STAU1: variants seen among roughly 807,000 people sequenced by gnomAD.
The protein encoded by STAU1 is double-stranded RNA-binding protein Staufen homolog 1.
STAU1 carries 13 observed loss-of-function variants against 62.9 expected under a neutral mutation model. The observed-to-expected ratio is 0.21, with a 90% CI of 0.13 to 0.33. The LOEUF (loss-of-function observed/expected upper bound fraction) is 0.33, where lower values mean the gene tolerates loss of function less well. Ranked by LOEUF, STAU1 falls within the 10% of genes least tolerant of loss-of-function variation. The pLI is 1.00. For missense variants in STAU1, 571 were observed against 712.1 expected, an observed-to-expected ratio of 0.80 and a Z score of 2.25; for synonymous variants, 269 against 265.1, an observed-to-expected ratio of 1.01 and a Z score of -0.14.
At chr20:49,199,205 G>A in the STAU1 span, among the ~76,000 whole-genome samples, 2 of 151,814 alleles carry the variant, frequency 1.3e-5, no homozygotes, top group Non-Finnish European at 2.9e-5. Flanking sequence ...GAACTTTTTG[G>A]ACTACAGGTG....
chr20:49,194,930 C>A, the STAU1 span, among the ~76,000 whole-genome samples: 2 of 150,754 alleles, frequency 1.3e-5, no homozygotes, highest in African/African-American at 4.9e-5. Flanking sequence ...ACAGTGAAAC[C>A]CTGTGTCAAA....
chr20:49,192,171 C>G, upstream of STAU1, among the ~76,000 whole-genome samples: 1 of 151,462 alleles, frequency 6.6e-6, no homozygotes, highest in East Asian at 1.9e-4. Flanking sequence ...ATGGTGAAAC[C>G]CCATCTCTAC....
At chr20:49,217,757 G>C in the STAU1 span, among the ~76,000 whole-genome samples, 1 of 148,846 alleles carries the variant, frequency 6.7e-6, no homozygotes. Flanking sequence ...TGAGGCAGGA[G>C]AGTCGCTTGA....
the STAU1 span, among the ~76,000 whole-genome samples, chr20:49,209,219 G>A: frequency 2.0e-5 from 3 of 149,042 alleles, no homozygotes; most frequent in African/African-American, 4.9e-5. Context: ...ATGGGTGTAA[G>A]CCACCGCGCC....
chr20:49,194,290 A>G, the STAU1 span, among the ~76,000 whole-genome samples: 1 of 150,894 alleles, frequency 6.6e-6, no homozygotes, highest in African/African-American at 2.4e-5. Flanking sequence ...TTAGCTGGGC[A>G]TGGTGGCGCA....
upstream of STAU1, among the ~76,000 whole-genome samples, chr20:49,189,619 CAAAAAAAAAA>C (rs71186430): frequency 3.6e-5 from 2 of 55,348 alleles, no homozygotes; most frequent in East Asian, 6.1e-4. Context: ...GACTCTGTCT[CAAAAAAAAAA>C]AAAAAAAAAA....
the STAU1 span, among the ~76,000 whole-genome samples, chr20:49,214,352 T>A: frequency 6.6e-6 from 1 of 152,042 alleles, no homozygotes; most frequent in African/African-American, 2.4e-5. Context: ...AACCCGTCAC[T>A]ACTAAACATA....
chr20:49,129,610 T>C (rs900717318), intron 6 of STAU1, among the ~76,000 whole-genome samples: 1 of 151,374 alleles, frequency 6.6e-6, no homozygotes, highest in African/African-American at 2.4e-5. Flanking sequence ...ATACATCTGG[T>C]TTAGAAAACA....
chr20:49,170,449 C>G (rs2146442699), intron 2 of STAU1, among the ~76,000 whole-genome samples: 1 of 152,278 alleles, frequency 6.6e-6, no homozygotes, highest in East Asian at 1.9e-4. Context: ...CTCCCAGGTT[C>G]AAGTGATTCT....
chr20:49,131,699 C>T (rs1415766972), intron 6 of STAU1, among the ~76,000 whole-genome samples: 1 of 151,740 alleles, frequency 6.6e-6, no homozygotes, highest in Non-Finnish European at 1.5e-5. Flanking sequence ...AAAAATTAGC[C>T]GAGTGTGGTG....
In STAU1 at chr20:49,121,666, A is replaced by G. The variant is rs909208717; in HGVS notation, c.966+1426T>C. On this transcript the variant is annotated intron_variant, in intron 8 of 13. Coordinates refer to ENST00000371856, the MANE Select transcript of STAU1 (RefSeq NM_017453.4). Reference sequence around the variant, plus strand: ...TTTCTGTCAGTAAAATTTATAAAACACACATATATGTCAGTATAATTTATA... The same window carrying G: ...TTTCTGTCAGTAAAATTTATAAAACGCACATATATGTCAGTATAATTTATA... Among the ~76,000 whole-genome samples the G allele has an allele frequency of 3.9e-5, 6 of 152,240 alleles. No individual in the cohort carries two copies. In the East Asian group the frequency reaches 7.7e-4, roughly 20 times the overall value.
At chr20:49,186,919 G>T (rs1042371824) in intron 1 of STAU1, among the ~76,000 whole-genome samples, 2 of 152,006 alleles carry the variant, frequency 1.3e-5, no homozygotes, top group African/African-American at 4.8e-5. Flanking sequence ...ACTGAAGCAC[G>T]TATCTTCGCG....
the STAU1 span, among the ~76,000 whole-genome samples, chr20:49,195,904 A>AAAAAAAAAAAAAAAAAAAAAG: frequency 6.5e-4 from 62 of 95,210 alleles, no homozygotes; most frequent in Non-Finnish European, 1.2e-3. Flanking sequence ...CTCTCAAAAA[A>AAAAAAAAAAAAAAAAAAAAAG]AAAAAAAAAA....
the STAU1 span, among the ~76,000 whole-genome samples, chr20:49,199,623 A>G: frequency 1.8e-4 from 26 of 148,502 alleles, no homozygotes; most frequent in Non-Finnish European, 1.8e-4. Flanking sequence ...CCCAGGCTGG[A>G]GTGCAGTGGT....
At chr20:49,184,922 G>C (rs544106104) in intron 1 of STAU1, among the ~76,000 whole-genome samples, 1 of 152,040 alleles carries the variant, frequency 6.6e-6, no homozygotes. Flanking sequence ...TTCACGACCA[G>C]AAATTTGAAA....
intron 5 of STAU1, among the ~76,000 whole-genome samples, chr20:49,137,982 T>G (rs1439182477): frequency 6.6e-6 from 1 of 152,078 alleles, no homozygotes; most frequent in African/African-American, 2.4e-5. Flanking sequence ...GTCTGGCCAC[T>G]GAATATTAAA....
the STAU1 span, among the ~76,000 whole-genome samples, chr20:49,205,028 G>A: frequency 6.6e-6 from 1 of 151,962 alleles, no homozygotes; most frequent in Non-Finnish European, 1.5e-5. Flanking sequence ...TGGGCTCAAG[G>A]GTAATTGAGG....
intron 4 of STAU1, 27 bp downstream of exon 4, chr20:49,153,906 C>CAAAAAAAA: frequency 2.2e-6 from 3 of 1,369,684 alleles, no homozygotes; most frequent in Non-Finnish European, 2.8e-6. Flanking sequence ...CTGTATTTTA[C>CAAAAAAAA]AAAAAAAAAA....
chr20:49,146,924 A>C (rs2093143596), intron 5 of STAU1, among the ~76,000 whole-genome samples: 1 of 152,120 alleles, frequency 6.6e-6, no homozygotes, highest in African/African-American at 2.4e-5. Context: ...TCTCTATTAC[A>C]GATACTGCAG....
Sources: gnomAD v4.1 joint callset for allele counts (sites outside exome capture counted in the v4.1 genomes callset) on GRCh38, gnomAD v4.1.1 for gene constraint, MANE v1.5 for transcripts, NCBI Gene and HGNC (gene_info 2026-07-23, HGNC 2026-07-21) for gene names.